The following VIPR1 variants were observed in gnomAD, a reference collection of about 807,000 sequenced individuals.
The protein encoded by VIPR1 is vasoactive intestinal polypeptide receptor 1.
Under a neutral mutation model 58.8 loss-of-function variants are expected in VIPR1, and 59 were observed. The ratio of observed to expected loss-of-function variants is 1.00; its 90% CI spans 0.81 to 1.25. The LOEUF (loss-of-function observed/expected upper bound fraction) is 1.25, where lower values mean the gene tolerates loss of function less well. Among genes scored for constraint, VIPR1 ranks in the 50% most tolerant of loss-of-function variants. VIPR1 has a pLI of 0.00. For missense variants in VIPR1, 626 were observed against 602.7 expected (o/e 1.04, Z -0.40); for synonymous variants, 251 against 242.1 (o/e 1.04, Z -0.34).
At chr3:42,534,633 C>A in intron 10 of VIPR1, 1 of 182,844 alleles carries the variant, frequency 5.5e-6, no homozygotes, top group Non-Finnish European at 1.1e-5. Flanking sequence ...ACAGAACTCC[C>A]AATAGTGGAT....
intron 6 of VIPR1, 88 bp from the exon 7 acceptor site, chr3:42,530,691 A>C: frequency 1.4e-6 from 2 of 1,469,148 alleles, no homozygotes; most frequent in Non-Finnish European, 1.9e-6. Flanking sequence ...CTGCACTGCA[A>C]CTGTGTTTGT....
chr3:42,524,006 C>T lies in VIPR1; in HGVS notation c.293-1881C>T, dbSNP rs544209935. ...ATAATTTTTGTATTTTTAGTAAAGACAGGGTTTCACTATGTTGGCCAGGCT... is the reference window on the plus strand; with the variant it reads ...ATAATTTTTGTATTTTTAGTAAAGATAGGGTTTCACTATGTTGGCCAGGCT... On this transcript the variant is annotated intron_variant, in intron 3 of 12. Coordinates refer to ENST00000325123, the MANE Select transcript of VIPR1 (RefSeq NM_004624.4). Among the ~76,000 whole-genome samples the T allele has an allele frequency of 7.9e-5, 12 of 152,306 alleles. No individual in the cohort carries two copies. The East Asian group carries it at 9.6e-4, about 12-fold the overall frequency.
rs781301737 is a variant in VIPR1 at position 42,530,790 on chromosome 3, G to A, written c.648G>A (p.Lys216=). 6.2e-7 allele frequency: 1 copy of A among 1,614,032 alleles called. No individual in the cohort carries two copies. The highest frequency in any genetic ancestry group is 8.5e-7 in the Non-Finnish European group (1 of 1,179,904). Residue 216 remains lysine, a synonymous_variant, in exon 7 of 13, where the codon AAG becomes AAA. Transcript: ENST00000325123. ...TCCTCCCCCTGCAGGTGGGCTGTAA[G>A]GCAGCCATGGTCTTTTTCCAATATT... ...DQCSEGSVGC[K]AAMVFFQYCV... is the part of the protein sequence containing the mutation.
At chr3:42,528,551 T>A in intron 6 of VIPR1, 1 of 189,886 alleles carries the variant, frequency 5.3e-6, no homozygotes, top group Non-Finnish European at 1.1e-5. Flanking sequence ...CTGCTCACCA[T>A]GCCACTTTTC....
At chr3:42,495,807 TA>T (rs1412227497) in intron 1 of VIPR1, among the ~76,000 whole-genome samples, 1 of 151,998 alleles carries the variant, frequency 6.6e-6, no homozygotes, top group Non-Finnish European at 1.5e-5. Context: ...GGGAATCTTA[TA>T]GCTGCAAAAA....
At chr3:42,503,728 A>G (rs1347596071) in intron 1 of VIPR1, among the ~76,000 whole-genome samples, 1 of 152,206 alleles carries the variant, frequency 6.6e-6, no homozygotes, top group Non-Finnish European at 1.5e-5. Flanking sequence ...AGCGAGGTCC[A>G]GAGACACAAG....
intron 1 of VIPR1, among the ~76,000 whole-genome samples, chr3:42,504,934 A>G (rs1700045554): frequency 6.6e-6 from 1 of 151,428 alleles, no homozygotes; most frequent in African/African-American, 2.4e-5. Flanking sequence ...AAAGGAAAGA[A>G]AACCTCCAGT....
Position 42,510,041 on chromosome 3 carries a change from C to A in VIPR1, c.79-3708C>A, listed in dbSNP as rs148887467. Among the ~76,000 whole-genome samples, 58 of 152,338 alleles carry A rather than the reference C, an allele frequency of 3.8e-4. No homozygotes were observed. In the Middle Eastern group the frequency reaches 0.01, roughly 27 times the overall value. On this transcript the variant is annotated intron_variant, in intron 1 of 12. Coordinates refer to ENST00000325123, the MANE Select transcript of VIPR1 (RefSeq NM_004624.4). ...GGCCCCCATGGCCTAGGAGTGAAAG[C>A]TCACACTTGAAAACTGGCATTCCAG...
intron 3 of VIPR1, among the ~76,000 whole-genome samples, chr3:42,524,779 C>T (rs190819449): frequency 9.4e-4 from 143 of 152,242 alleles, no homozygotes; most frequent in African/African-American, 3.3e-3. Flanking sequence ...AGGTGAGAAC[C>T]AAGCTTACCT....
intron 1 of VIPR1, among the ~76,000 whole-genome samples, chr3:42,496,957 C>CT (rs11386685): frequency 0.62 from 94,767 of 151,836 alleles, 29,656 homozygotes; most frequent in East Asian, 0.78. Context: ...TACATACTTT[C>CT]TTTTTTCCCC....
At chr3:42,496,070 C>G (rs536761725) in intron 1 of VIPR1, among the ~76,000 whole-genome samples, 1 of 152,242 alleles carries the variant, frequency 6.6e-6, no homozygotes, top group South Asian at 2.1e-4. Flanking sequence ...AATCCCGTCT[C>G]TACTAAAAAT....
rs770104727 is a variant in VIPR1, at chr3:42,535,341, A to G, written c.1141-2A>G. ...CACCTCTCCTGTCATCTTCCTTCTC[A>G]GGGTTTTGTGGTGGCTATCCTCTAC... On this transcript the variant is annotated splice_acceptor_variant, in intron 11 of 12. Transcript: ENST00000325123. LOFTEE classifies it high-confidence loss of function. The G allele has an allele frequency of 2.0e-5, 33 of 1,614,004 alleles. No homozygotes were observed. The highest frequency in any genetic ancestry group is 3.3e-5 in the Admixed American group (2 of 60,016).
At chr3:42,532,694 A>C in intron 10 of VIPR1, 2 of 334,858 alleles carry the variant, frequency 6.0e-6, no homozygotes, top group Non-Finnish European at 1.1e-5. Context: ...GGTGCAATAA[A>C]CACATAGTAG....
chr3:42,531,003 G>GACTGCAA, intron 7 of VIPR1, 71 bp downstream of exon 7: 2 of 1,581,062 alleles, frequency 1.3e-6, no homozygotes, highest in Non-Finnish European at 1.7e-6. Context: ...CTAGGGGGAG[G>GACTGCAA]GTGCCAACCC....
chr3:42,507,387 G>C (rs138352033), intron 1 of VIPR1: 1 of 152,192 alleles, frequency 6.6e-6, no homozygotes, highest in Non-Finnish European at 1.5e-5. Flanking sequence ...CCTCTCATGC[G>C]GCCCATTATC....
At position 42,517,649 on chromosome 3, in the gene VIPR1, C is replaced by T. The variant is rs544310899; in HGVS notation, c.185-1574C>T. 8.5e-4 allele frequency among the ~76,000 whole-genome samples: 129 copies of T among 152,268 alleles called. 1 individual carries two copies. Among genetic ancestry groups the T allele is most frequent in the Non-Finnish European group, 5.7e-4 (39 of 68,024 alleles). ...TTCCCCTCCATCACAATTCACAATC[C>T]GACCACGTTGGGGGAATCTGTGTTG... On this transcript the variant is annotated intron_variant, in intron 2 of 12. Coordinates refer to ENST00000325123, the MANE Select transcript of VIPR1 (RefSeq NM_004624.4).
At chr3:42,523,033 AGCCCAGCCTG>A (rs1701033241) in intron 3 of VIPR1, among the ~76,000 whole-genome samples, 1 of 151,476 alleles carries the variant, frequency 6.6e-6, no homozygotes, top group South Asian at 2.1e-4. Flanking sequence ...CCCACGGTGG[AGCCCAGCCTG>A]GCCCAGGCAT....
chr3:42,527,473 C>T lies in VIPR1; in HGVS notation c.480C>T (p.Ala160=). The T allele has an allele frequency of 6.2e-7, 1 of 1,613,900 alleles. No homozygotes were observed. The highest frequency in any genetic ancestry group is 1.7e-5 in the Admixed American group (1 of 60,022). Residue 160 remains alanine (A), a synonymous_variant, in exon 5 of 13, where the codon GCC becomes GCT. Transcript: ENST00000325123. ...YGLSLATLLV[A]TAILSLFRKL... ...TGTCCCTCGCCACCCTTCTGGTCGCCACAGCTATCCTGAGCCTGTTCAGGT... is the reference window on the plus strand; with the variant it reads ...TGTCCCTCGCCACCCTTCTGGTCGCTACAGCTATCCTGAGCCTGTTCAGGT...
At chr3:42,535,719 G>C (rs1701806919) in intron 12 of VIPR1, among the ~76,000 whole-genome samples, 1 of 152,124 alleles carries the variant, frequency 6.6e-6, no homozygotes, top group Admixed American at 6.5e-5. Context: ...GGAGGGATGA[G>C]GGCTTCCAAT....
Sources: gnomAD v4.1 joint callset for allele counts (sites outside exome capture counted in the v4.1 genomes callset) on GRCh38, gnomAD v4.1.1 for gene constraint, MANE v1.5 for transcripts, NCBI Gene and HGNC (gene_info 2026-07-23, HGNC 2026-07-21) for gene names.